Variants in EED observed in about 807,000 individuals in gnomAD.
The protein encoded by EED is embryonic ectoderm development, also known as polycomb protein EED.
In EED, 9 loss-of-function variants were observed where a neutral mutation model predicts 61.0. The ratio of observed to expected loss-of-function variants is 0.15; its 90% CI spans 0.09 to 0.26. EED has a LOEUF of 0.26. EED is among the 10% of genes least tolerant of loss of function. The pLI is 1.00. For missense variants in EED, 315 were observed against 542.3 expected (o/e 0.58, Z 4.16); for synonymous variants, 187 against 174.4 (o/e 1.07, Z -0.57).
intron 8 of EED, among the ~76,000 whole-genome samples, chr11:86,267,466 G>A (rs1946008179): frequency 6.6e-6 from 1 of 152,166 alleles, no homozygotes; most frequent in African/African-American, 2.4e-5. Flanking sequence ...AATGTTAAGT[G>A]TACTGTTAAA....
In EED at chr11:86,277,027, T is replaced by C. The variant is rs768608428; in HGVS notation, c.1014T>C (p.Asp338=). 1.2e-5 allele frequency: 19 copies of C among 1,555,674 alleles called. No individual in the cohort carries two copies. The East Asian group carries it at 4.3e-4, about 36-fold the overall frequency. The stretch of plus-strand genomic sequence containing the variant: ...GCTGGAAACCTGGCAAGATGGAAGA[T>C]GATATAGATAAAATTAAACCCAGTG... The part of the protein sequence containing the change: ...IVCWKPGKME[D]DIDKIKPSES... The change falls in exon 10 of 12, where the codon GAT becomes GAC. Residue 338 remains aspartate, a synonymous_variant. Transcript: ENST00000263360.
rs1042949721 is a variant in EED at position 86,266,248 on chromosome 11, A to G, written c.860+32A>G. The G allele has an allele frequency of 5.8e-6, 9 of 1,553,190 alleles. No individual in the cohort carries two copies. The Admixed American group carries it at 9.3e-5, about 16-fold the overall frequency. ...GTTGTGGTATTTGAAACAATTTGCTATGTTGTGCTATTGAATATAAGTTTT... is the reference window on the plus strand; with the variant it reads ...GTTGTGGTATTTGAAACAATTTGCTGTGTTGTGCTATTGAATATAAGTTTT... On this transcript the variant is annotated intron_variant, in intron 8 of 11. Coordinates refer to ENST00000263360, the MANE Select transcript of EED (RefSeq NM_003797.5).
rs139493422 is a variant in EED, at chr11:86,275,203, G to A, written c.967-1777G>A. On this transcript the variant is annotated intron_variant, in intron 9 of 11. Transcript: ENST00000263360. The stretch of plus-strand genomic sequence containing the variant: ...TTTTCTCTACCTTTCCAAGTCTTAT[G>A]TTTGCTTTGTGTATGATACTCCGAC... Among the ~76,000 whole-genome samples, 1,122 of 152,228 alleles carry A rather than the reference G, an allele frequency of 7.4e-3. 4 individuals are homozygous for A. The highest frequency in any genetic ancestry group is 0.012 in the Non-Finnish European group (840 of 68,008).
chr11:86,277,264 C>A, intron 10 of EED, 126 bp downstream of exon 10: 1 of 889,086 alleles, frequency 1.1e-6, no homozygotes, highest in Non-Finnish European at 1.6e-6. Flanking sequence ...GTATTGATTA[C>A]TTTGCCCTTT....
intron 9 of EED, among the ~76,000 whole-genome samples, chr11:86,273,635 T>C (rs1007892839): frequency 6.6e-6 from 1 of 152,248 alleles, no homozygotes; most frequent in African/African-American, 2.4e-5. Flanking sequence ...CATGGCCTCA[T>C]TTCTTCTTTA....
rs147140379 is a variant in EED at position 86,275,202 on chromosome 11, T to C, written c.967-1778T>C. On this transcript the variant is annotated intron_variant, in intron 9 of 11. Coordinates refer to ENST00000263360, the MANE Select transcript of EED (RefSeq NM_003797.5). The stretch of plus-strand genomic sequence containing the variant: ...CTTTTCTCTACCTTTCCAAGTCTTA[T>C]GTTTGCTTTGTGTATGATACTCCGA... Among the ~76,000 whole-genome samples the C allele has an allele frequency of 8.5e-3, 1,296 of 152,300 alleles. 5 individuals carry two copies. The highest frequency in any genetic ancestry group is 0.014 in the Non-Finnish European group (958 of 68,014).
At chr11:86,255,018 A>G (rs1056617773) in intron 3 of EED, among the ~76,000 whole-genome samples, 9 of 152,242 alleles carry the variant, frequency 5.9e-5, no homozygotes, top group Non-Finnish European at 7.3e-5. Context: ...CGAAACGACT[A>G]TTACTGCAAT....
rs111578782 is a variant in EED, at chr11:86,245,208, A to T, written c.-22A>T. On this transcript the variant is annotated 5_prime_UTR_variant, in exon 1 of 12. Transcript: ENST00000263360. Reference sequence around the variant, plus strand: ...GGAGGCCCCGCCCCAGGCGGCAGGAACCTGGAGGGAGGCGGAGGAATATGT... The same window carrying T: ...GGAGGCCCCGCCCCAGGCGGCAGGATCCTGGAGGGAGGCGGAGGAATATGT... 2,218 of 1,600,336 alleles carry T rather than the reference A, an allele frequency of 1.4e-3. 25 individuals carry two copies. The African/African-American group carries it at 0.022, about 16-fold the overall frequency.
At chr11:86,279,095 T>A (rs541608058), downstream of EED, among the ~76,000 whole-genome samples, 15 of 152,376 alleles carry the variant, frequency 9.8e-5, no homozygotes, top group African/African-American at 3.6e-4. Context: ...TATTGGAGAT[T>A]ATAGTTCCTA....
chr11:86,256,560 A>T (rs1297366307), intron 5 of EED, 48 bp downstream of exon 5: 1 of 1,468,296 alleles, frequency 6.8e-7, no homozygotes, highest in Non-Finnish European at 9.1e-7. Flanking sequence ...TGAATCCACA[A>T]CTGTAAAAAC....
At chr11:86,283,674 A>T (rs1477642316), downstream of EED, among the ~76,000 whole-genome samples, 2 of 152,238 alleles carry the variant, frequency 1.3e-5, no homozygotes, top group Non-Finnish European at 2.9e-5. Flanking sequence ...TTGTTGAAGT[A>T]AAAAATTCAA....
chr11:86,285,078 T>G, the EED span, among the ~76,000 whole-genome samples: 1 of 151,628 alleles, frequency 6.6e-6, no homozygotes, highest in Non-Finnish European at 1.5e-5. Flanking sequence ...GCCACCACAC[T>G]CCAGCCTGGG....
chr11:86,274,182 A>G (rs1181421050), intron 9 of EED, among the ~76,000 whole-genome samples: 2 of 148,094 alleles, frequency 1.4e-5, no homozygotes, highest in Non-Finnish European at 3.0e-5. Context: ...TTCTCTTTTG[A>G]TATTGAGCCC....
At chr11:86,263,974 C>G in intron 6 of EED, 198 bp from the exon 7 acceptor site, 1 of 527,328 alleles carries the variant, frequency 1.9e-6, no homozygotes, top group Non-Finnish European at 3.4e-6. Flanking sequence ...TTTGGGGGGG[C>G]CTATTCAAAC....
chr11:86,261,142 G>T, intron 6 of EED, among the ~76,000 whole-genome samples: 1 of 152,162 alleles, frequency 6.6e-6, no homozygotes, highest in Non-Finnish European at 1.5e-5. Context: ...GATTCCTGCT[G>T]AGGTAAATTC....
At chr11:86,268,417 TTTTTC>T in intron 8 of EED, 34 bp from the exon 9 acceptor site, 1 of 1,367,256 alleles carries the variant, frequency 7.3e-7, no homozygotes, top group Non-Finnish European at 1.0e-6. Flanking sequence ...CTACTATAAT[TTTTTC>T]TTTTAACTTT....
intron 2 of EED, among the ~76,000 whole-genome samples, chr11:86,250,798 A>C (rs1945512400): frequency 6.6e-6 from 1 of 152,176 alleles, no homozygotes; most frequent in African/African-American, 2.4e-5. Context: ...AGTTTTTAAA[A>C]AGAACTGAAT....
At chr11:86,250,154 C>T in intron 1 of EED, 142 bp from the exon 2 acceptor site, 2 of 680,158 alleles carry the variant, frequency 2.9e-6, no homozygotes, top group Admixed American at 4.2e-5. Flanking sequence ...TATGTTTATC[C>T]TTATGTGGAG....
Position 86,245,106 on chromosome 11 carries a change from G to C in EED, c.-124G>C, listed in dbSNP as rs2291812. 107 of 679,806 alleles carry C rather than the reference G, an allele frequency of 1.6e-4. No individual in the cohort carries two copies. The highest frequency in any genetic ancestry group is 8.9e-4 in the East Asian group (28 of 31,354). 42.1% of individuals were successfully genotyped at this position (679,806 alleles called of 1,614,324 possible). A position where few individuals can be genotyped will look rare whatever the true frequency, so the allele number is the denominator to read the frequency against. The stretch of plus-strand genomic sequence containing the variant: ...GGCTGGGCGCGATTTGCGACAGTGG[G>C]GGGGGCGGTGGAGGTGGCGGCGGCA... On this transcript the variant is annotated 5_prime_UTR_variant, in exon 1 of 12. Coordinates refer to ENST00000263360, the MANE Select transcript of EED (RefSeq NM_003797.5).
Sources: allele counts gnomAD v4.1 joint callset (sites outside exome capture counted in the v4.1 genomes callset), GRCh38; gene constraint gnomAD v4.1.1; transcripts MANE v1.5; gene names NCBI Gene and HGNC (gene_info 2026-07-23, HGNC 2026-07-21).